GAREM2: variants seen among roughly 807,000 people sequenced by gnomAD.
The protein encoded by GAREM2 is GRB2 associated regulator of MAPK1 subtype 2.
A neutral mutation model predicts 55.6 loss-of-function variants in GAREM2; 30 were observed. The observed-to-expected ratio is 0.54, with a 90% CI of 0.40 to 0.73. The LOEUF is 0.73. Ranked by LOEUF, GAREM2 falls within the 30% of genes least tolerant of loss-of-function variation. The probability of loss-of-function intolerance (pLI) is 0.00; values close to 1 mark genes in which losing one functional copy is unlikely to be tolerated. For synonymous variants in GAREM2, 550 were observed against 569.1 expected (o/e 0.97, Z 0.48); for missense variants, 1,075 against 1,257.7 (o/e 0.85, Z 2.20).
intron 1 of GAREM2, among the ~76,000 whole-genome samples, chr2:26,175,002 T>C (rs547171173): frequency 5.8e-4 from 88 of 152,062 alleles, no homozygotes; most frequent in Non-Finnish European, 1.0e-3. Flanking sequence ...GGGGAAAGCT[T>C]AGACAACACC....
intron 1 of GAREM2, among the ~76,000 whole-genome samples, chr2:26,173,607 G>T (rs1033755706): frequency 6.6e-6 from 1 of 152,058 alleles, no homozygotes; most frequent in African/African-American, 2.4e-5. Context: ...AAGGGGCCGA[G>T]CCCCTGCTCC....
intron 5 of GAREM2, 119 bp from the exon 6 acceptor site, chr2:26,187,112 G>A (rs1669287779): frequency 1.6e-6 from 2 of 1,284,874 alleles, no homozygotes; most frequent in Non-Finnish European, 2.0e-6. Flanking sequence ...GCTGGGGCTG[G>A]GGTGCAGGCC....
chr2:26,187,968 A>C lies in GAREM2; in HGVS notation c.2336A>C (p.Glu779Ala). 1 of 1,455,958 alleles carries C rather than the reference A, an allele frequency of 6.9e-7. No homozygotes were observed. The highest frequency in any genetic ancestry group is 1.5e-5 in the South Asian group (1 of 68,166). The allele number at this position is 1,455,958 out of a possible 1,614,324, so 90.2% of individuals were successfully genotyped here. Residue 779 changes from glutamate to alanine, a missense_variant, in exon 6 of 6, where the codon GAA (glutamate) becomes GCA (alanine). By Grantham distance (107) the Glu-to-Ala change is moderately radical. Around this residue, in one of 6 missense-constraint regions of GAREM2, gnomAD observed 142 missense variants for 172.3 expected, o/e 0.82. Coordinates refer to ENST00000401533, the MANE Select transcript of GAREM2 (RefSeq NM_001168241.2). ...GALFLTQGRL[E>A]GPPASPRDGA... The stretch of plus-strand genomic sequence containing the variant: ...CTTTTTCTAACCCAAGGGCGCCTGG[A>C]AGGGCCTCCTGCCAGTCCCCGGGAT...
chr2:26,176,240 C>T, intron 1 of GAREM2, 104 bp from the exon 2 acceptor site: 2 of 1,166,028 alleles, frequency 1.7e-6, no homozygotes, highest in Non-Finnish European at 2.3e-6. Context: ...GGAGCTGTCC[C>T]TCAGGGGGGC....
At position 26,186,286 on chromosome 2, in the gene GAREM2, G is replaced by A. The variant is rs561382152; in HGVS notation, c.1526G>A (p.Arg509His). Residue 509 changes from arginine to histidine, a missense_variant, in exon 5 of 6, where the codon CGC (arginine) becomes CAC (histidine). Arg to His is a conservative substitution (Grantham distance 29). Coordinates refer to ENST00000401533, the MANE Select transcript of GAREM2 (RefSeq NM_001168241.2). ...RLSSSPPVPPRFPKLQPVHSP... is the reference protein window; with the variant it reads ...RLSSSPPVPPHFPKLQPVHSP... The stretch of plus-strand genomic sequence containing the variant: ...TCCAGCAGCCCCCCGGTTCCCCCTC[G>A]CTTCCCCAAGCTGCAGCCGGTACAT... 3.3e-5 allele frequency: 51 copies of A among 1,551,144 alleles called. No individual in the cohort carries two copies. In the Admixed American group the frequency reaches 4.7e-4, roughly 14 times the overall value.
intron 1 of GAREM2, among the ~76,000 whole-genome samples, chr2:26,175,015 C>T (rs1012325768): frequency 3.9e-5 from 6 of 152,056 alleles, no homozygotes; most frequent in African/African-American, 1.5e-4. Context: ...ACAACACCCC[C>T]AACACACACA....
chr2:26,180,792 A>T (rs1455812962), intron 2 of GAREM2: 1 of 414,130 alleles, frequency 2.4e-6, no homozygotes, highest in African/African-American at 2.2e-5. Flanking sequence ...AGTTTTTTGT[A>T]TTTTTAGTAG....
chr2:26,180,897 G>A (rs7585891), intron 2 of GAREM2: 787,517 of 985,326 alleles, frequency 0.8, 315,705 homozygotes, highest in African/African-American at 0.95. Context: ...GGTTACAAGC[G>A]TGAGCCACCG....
rs752438282 is a variant in GAREM2, at chr2:26,176,462, C to T, written c.231C>T (p.Ile77=). Residue 77 remains isoleucine, a synonymous_variant, in exon 2 of 6, where the codon ATC becomes ATT. Transcript: ENST00000401533. ...GCCACTATGTCATCGGGCCCAAGAT[C>T]GACATCCCCCTGCAGTACCCAGGTG... ...EEGHYVIGPK[I]DIPLQYPGKF... 15 of 1,548,566 alleles carry T rather than the reference C, an allele frequency of 9.7e-6. No homozygotes were observed. The highest frequency in any genetic ancestry group is 2.5e-5 in the East Asian group (1 of 40,762).
chr2:26,195,174 G>A, the GAREM2 span: 75 of 1,611,356 alleles, frequency 4.7e-5, no homozygotes, highest in East Asian at 2.2e-4. Context: ...TTTCTCGGTC[G>A]TGATAATCTC....
the GAREM2 span, chr2:26,194,726 C>A: frequency 1.2e-6 from 1 of 866,756 alleles, no homozygotes; most frequent in Non-Finnish European, 2.0e-6. Context: ...ACTTCAAAGT[C>A]ATTTGAAAGT....
At position 26,184,317 on chromosome 2, in the gene GAREM2, G is replaced by A; in HGVS notation, c.469G>A (p.Ala157Thr). 2 of 1,550,890 alleles carry A rather than the reference G, an allele frequency of 1.3e-6. No individual in the cohort carries two copies. Among genetic ancestry groups the A allele is most frequent in the Non-Finnish European group, 1.7e-6 (2 of 1,146,814 alleles). ...AGDELTLMGQ[A>T]EILCAKTTKE... ...CGACGAGCTCACTCTTATGGGCCAGGCGGAGATCCTGTGCGCCAAGACCAC... is the reference window on the plus strand; with the variant it reads ...CGACGAGCTCACTCTTATGGGCCAGACGGAGATCCTGTGCGCCAAGACCAC... Residue 157 changes from alanine to threonine, a missense_variant, in exon 4 of 6, where the codon GCG becomes ACG. Coordinates refer to ENST00000401533, the MANE Select transcript of GAREM2 (RefSeq NM_001168241.2).
chr2:26,199,544 C>T, the GAREM2 span, among the ~76,000 whole-genome samples: 2 of 152,088 alleles, frequency 1.3e-5, no homozygotes, highest in Non-Finnish European at 2.9e-5. Context: ...TTCTTCCCTT[C>T]CTTGGACATG....
chr2:26,185,224 C>G lies in GAREM2; in HGVS notation c.1376C>G (p.Pro459Arg). 1 of 1,521,778 alleles carries G rather than the reference C, an allele frequency of 6.6e-7. No individual in the cohort carries two copies. Among genetic ancestry groups the G allele is most frequent in the South Asian group, 1.2e-5 (1 of 83,388 alleles). The allele number at this position is 1,521,778 out of a possible 1,614,324, so 94.3% of individuals were successfully genotyped here. The change falls in exon 4 of 6, where the codon CCG (proline) becomes CGG (arginine). Residue 459 changes from proline to arginine, a missense_variant. Pro to Arg is a moderately radical substitution (Grantham distance 103). Coordinates refer to ENST00000401533, the MANE Select transcript of GAREM2 (RefSeq NM_001168241.2). ...ATCTCCTTCGGGGCCGCGGGACCGC[C>G]GCGTCGGGAGCCGGAAGCGCCGCCG... is the stretch of plus-strand genomic sequence containing the variant. ...DLISFGAAGP[P>R]RREPEAPPPP...
Position 26,173,195 on chromosome 2 carries a change from G to A in GAREM2, c.-26G>A. 9.1e-7 allele frequency: 1 copy of A among 1,095,074 alleles called. No homozygotes were observed. Among genetic ancestry groups the A allele is most frequent in the Admixed American group, 4.5e-5 (1 of 22,078 alleles). The allele number at this position is 1,095,074 out of a possible 1,614,324, so 67.8% of individuals were successfully genotyped here. A position where few individuals can be genotyped will look rare whatever the true frequency, so the allele number is the denominator to read the frequency against. Reference sequence around the variant, plus strand: ...GCGGGACTGACCGTCGGGGCCCCGGGACGGCGGCCCCGGGGCGCCCATGCC... The same window carrying A: ...GCGGGACTGACCGTCGGGGCCCCGGAACGGCGGCCCCGGGGCGCCCATGCC... On this transcript the variant is annotated 5_prime_UTR_variant, in exon 1 of 6. Transcript: ENST00000401533.
rs72849148 is a variant in GAREM2, at chr2:26,188,364, G to C, written c.*107G>C. The C allele has an allele frequency of 1.1e-6, 1 of 886,136 alleles. No homozygotes were observed. The highest frequency in any genetic ancestry group is 1.6e-6 in the Non-Finnish European group (1 of 615,982). The allele number at this position is 886,136 out of a possible 1,614,324, so 54.9% of individuals were successfully genotyped here. On this transcript the variant is annotated 3_prime_UTR_variant, in exon 6 of 6. Transcript: ENST00000401533. ...CAAGAAGGATCTATGTCGAGACTGA[G>C]GCTGCTCAGCAGCCACTGGGTGGAT...
In GAREM2 at chr2:26,173,228, A is replaced by G; in HGVS notation, c.8A>G (p.Lys3Arg). 1 of 1,311,818 alleles carries G rather than the reference A, an allele frequency of 7.6e-7. No homozygotes were observed. The highest frequency in any genetic ancestry group is 9.7e-7 in the Non-Finnish European group (1 of 1,027,484). 81.3% of individuals were successfully genotyped at this position (1,311,818 alleles called of 1,614,324 possible). A position where few individuals can be genotyped will look rare whatever the true frequency, so the allele number is the denominator to read the frequency against. The change falls in exon 1 of 6, where the codon AAG becomes AGG. Residue 3 changes from lysine to arginine, a missense_variant. By Grantham distance (26) the Lys-to-Arg change is conservative. Transcript: ENST00000401533. ...CCCCGGGGCGCCCATGCCATGGAGAAGCTGGCGGCCGGGCTGGCCGGCCTG... is the reference window on the plus strand; with the variant it reads ...CCCCGGGGCGCCCATGCCATGGAGAGGCTGGCGGCCGGGCTGGCCGGCCTG... The part of the protein sequence containing the change: ME[K>R]LAAGLAGLRW...
intron 5 of GAREM2, 36 bp downstream of exon 5, chr2:26,186,394 G>A (rs1669260694): frequency 6.5e-7 from 1 of 1,538,802 alleles, no homozygotes; most frequent in African/African-American, 1.4e-5. Context: ...TGAGTTCTAA[G>A]GTAGATCAAG....
At chr2:26,195,434 C>T in the GAREM2 span, among the ~76,000 whole-genome samples, 4 of 152,072 alleles carry the variant, frequency 2.6e-5, no homozygotes, top group Admixed American at 6.6e-5. Context: ...TCCTCCTCTT[C>T]CATTTGCTTC....
Sources: gnomAD v4.1 joint callset for allele counts (sites outside exome capture counted in the v4.1 genomes callset) on GRCh38, gnomAD v4.1.1 for gene constraint, gnomAD v4.1.1 regional missense constraint, MANE v1.5 for transcripts, NCBI Gene and HGNC (gene_info 2026-07-23, HGNC 2026-07-21) for gene names.